The following ADCY3 variants were observed in gnomAD, a reference collection of about 807,000 sequenced individuals.
The protein encoded by ADCY3 is adenylate cyclase type 3.
Under a neutral mutation model 119.4 loss-of-function variants are expected in ADCY3, and 70 were observed. The ratio of observed to expected loss-of-function variants is 0.59; its 90% CI spans 0.48 to 0.72. The LOEUF (loss-of-function observed/expected upper bound fraction) is 0.72. Among genes scored for constraint, ADCY3 ranks in the 30% least tolerant of loss-of-function variants. The pLI is 0.00. For missense variants in ADCY3, 1,238 were observed against 1,541.6 expected (o/e 0.80, Z 3.30); for synonymous variants, 672 against 621.4 (o/e 1.08, Z -1.21).
intron 3 of ADCY3, among the ~76,000 whole-genome samples, chr2:24,856,225 A>G (rs1428437694): frequency 6.6e-6 from 1 of 152,196 alleles, no homozygotes; most frequent in Non-Finnish European, 1.5e-5. Context: ...ACATGTACAC[A>G]CATGCAGCTG....
At chr2:24,825,666 T>C (rs141158221) in intron 16 of ADCY3, 144 of 207,776 alleles carry the variant, frequency 6.9e-4, no homozygotes, top group African/African-American at 3.0e-3. Flanking sequence ...TCCCTTCTCT[T>C]TCTCTTCTGG....
intron 3 of ADCY3, among the ~76,000 whole-genome samples, chr2:24,868,995 G>A (rs751229423): frequency 3.9e-5 from 6 of 152,202 alleles, no homozygotes; most frequent in Non-Finnish European, 8.8e-5. Context: ...CTGCACTCCA[G>A]CCTAAGTGAC....
At chr2:24,901,726 C>T (rs1261958989) in intron 2 of ADCY3, among the ~76,000 whole-genome samples, 1 of 149,846 alleles carries the variant, frequency 6.7e-6, no homozygotes, top group African/African-American at 2.5e-5. Flanking sequence ...GGGAGGATCA[C>T]TTGAACCCAG....
intron 2 of ADCY3, among the ~76,000 whole-genome samples, chr2:24,903,007 T>C (rs1031221864): frequency 2.0e-5 from 3 of 151,890 alleles, no homozygotes; most frequent in Non-Finnish European, 2.9e-5. Flanking sequence ...ATTAGCTTGG[T>C]GTGGTGGCGG....
At chr2:24,822,240 G>A in intron 19 of ADCY3, 1 of 318,100 alleles carries the variant, frequency 3.1e-6, no homozygotes, top group Non-Finnish European at 5.8e-6. Context: ...CAGTTCCTAT[G>A]AAAGCACAGA....
At chr2:24,839,166 T>C (rs1368149822) in intron 7 of ADCY3, among the ~76,000 whole-genome samples, 1 of 152,152 alleles carries the variant, frequency 6.6e-6, no homozygotes, top group Non-Finnish European at 1.5e-5. Flanking sequence ...GGTCTCAAAC[T>C]CTTGACCTCA....
intron 7 of ADCY3, 124 bp downstream of exon 7, chr2:24,839,749 T>C: frequency 7.3e-7 from 1 of 1,377,876 alleles, no homozygotes; most frequent in East Asian, 2.3e-5. Flanking sequence ...AGGAATGCTG[T>C]TCCGGGGTTG....
rs147136309 is a variant in ADCY3, at chr2:24,826,045, G to A, written c.2577C>T (p.His859=). The A allele has an allele frequency of 2.4e-5, 39 of 1,613,864 alleles. No homozygotes were observed. Among genetic ancestry groups the A allele is most frequent in the East Asian group, 1.6e-4 (7 of 44,890 alleles). The change falls in exon 16 of 22, where the codon CAC becomes CAT. Residue 859 remains histidine, a splice_region_variant and synonymous_variant. Coordinates refer to ENST00000679454, the MANE Select transcript of ADCY3 (RefSeq NM_004036.5). ...CGGGGATCGTGCAGGCGGCACTCACGTGGCGGGAGAAGTAGTAGAAGCTGA... is the reference window on the plus strand; with the variant it reads ...CGGGGATCGTGCAGGCGGCACTCACATGGCGGGAGAAGTAGTAGAAGCTGA... The part of the protein sequence containing the change: ...MMLSFYYFSR[H]VEKLARTLFL...
chr2:24,871,673 G>A (rs796713078), intron 3 of ADCY3, among the ~76,000 whole-genome samples: 11 of 152,344 alleles, frequency 7.2e-5, no homozygotes, highest in African/African-American at 2.6e-4. Context: ...AGAACCTCCT[G>A]AACACAGATG....
intron 3 of ADCY3, among the ~76,000 whole-genome samples, chr2:24,857,344 C>A (rs1302314775): frequency 1.3e-5 from 2 of 152,234 alleles, no homozygotes; most frequent in African/African-American, 4.8e-5. Flanking sequence ...GGTACTACTC[C>A]TTAGAGGTTT....
chr2:24,885,332 G>A (rs1271162881), intron 2 of ADCY3, among the ~76,000 whole-genome samples: 4 of 152,288 alleles, frequency 2.6e-5, no homozygotes, highest in South Asian at 4.2e-4. Context: ...ACCTTATGGC[G>A]GGACCAGGAG....
At chr2:24,840,357 C>A (rs1198689957) in intron 6 of ADCY3, among the ~76,000 whole-genome samples, 1 of 152,248 alleles carries the variant, frequency 6.6e-6, no homozygotes, top group East Asian at 1.9e-4. Context: ...ATGTGCCAGG[C>A]ACGTTCAAGG....
chr2:24,890,360 T>C (rs1677523334), intron 2 of ADCY3, among the ~76,000 whole-genome samples: 1 of 152,222 alleles, frequency 6.6e-6, no homozygotes, highest in South Asian at 2.1e-4. Flanking sequence ...AAATGTTCCC[T>C]CCTCTTCTAC....
At chr2:24,820,571 A>G in intron 21 of ADCY3, 153 bp downstream of exon 21, 18 of 1,440,858 alleles carry the variant, frequency 1.2e-5, no homozygotes, top group East Asian at 7.1e-5. Flanking sequence ...GAGGCTAGCT[A>G]TTGCAGAGAT....
chr2:24,837,914 G>GA (rs1553339153), intron 8 of ADCY3, among the ~76,000 whole-genome samples: 1 of 152,062 alleles, frequency 6.6e-6, no homozygotes, highest in Non-Finnish European at 1.5e-5. Context: ...TGTTTGGCCC[G>GA]AGACAATTCT....
rs1168688693 is a variant in ADCY3 at position 24,831,754 on chromosome 2, G to A, written c.1968-5C>T. The A allele has an allele frequency of 1.6e-5, 26 of 1,578,586 alleles. No homozygotes were observed. Among genetic ancestry groups the A allele is most frequent in the Non-Finnish European group, 2.2e-5 (26 of 1,158,998 alleles). On this transcript the variant is annotated splice_polypyrimidine_tract_variant and splice_region_variant and intron_variant, in intron 11 of 21. Coordinates refer to ENST00000679454, the MANE Select transcript of ADCY3 (RefSeq NM_004036.5). The stretch of plus-strand genomic sequence containing the variant: ...GTCACATAGTTTGTCATTAGCCTGT[G>A]ACAGAGAGAAGACAATTGGGAGAGG...
At chr2:24,913,561 A>G (rs1252442755) in intron 2 of ADCY3, among the ~76,000 whole-genome samples, 2 of 151,870 alleles carry the variant, frequency 1.3e-5, no homozygotes, top group Non-Finnish European at 2.9e-5. Flanking sequence ...CCTCCTCTCA[A>G]CCTCACTGAG....
intron 2 of ADCY3, among the ~76,000 whole-genome samples, chr2:24,877,246 A>G (rs545396300): frequency 6.6e-6 from 1 of 152,320 alleles, no homozygotes; most frequent in East Asian, 1.9e-4. Flanking sequence ...GTTGGGTGGC[A>G]CAGATGTGGG....
In ADCY3 at chr2:24,849,369, G is replaced by A. The variant is rs1179348447; in HGVS notation, c.826-6985C>T. The stretch of plus-strand genomic sequence containing the variant: ...TCTACCAATACAGAACAAAAGTAGC[G>A]GCAGAGGCACAAAACCAGGGCAGCC... On this transcript the variant is annotated intron_variant, in intron 3 of 21. Coordinates refer to ENST00000679454, the MANE Select transcript of ADCY3 (RefSeq NM_004036.5). Among the ~76,000 whole-genome samples the A allele has an allele frequency of 3.3e-5, 5 of 152,252 alleles. No homozygotes were observed. The East Asian group carries it at 5.8e-4, about 18-fold the overall frequency.
Sources: gnomAD v4.1 joint callset for allele counts (sites outside exome capture counted in the v4.1 genomes callset) on GRCh38, gnomAD v4.1.1 for gene constraint, MANE v1.5 for transcripts, NCBI Gene and HGNC (gene_info 2026-07-23, HGNC 2026-07-21) for gene names.